The following CADM2 variants were observed in gnomAD, a reference collection of about 807,000 sequenced individuals.
The protein encoded by CADM2 is immunoglobulin superfamily member 4D.
Under a neutral mutation model 49.8 loss-of-function variants are expected in CADM2, and 12 were observed. That is an observed-to-expected ratio of 0.24 (90% CI 0.15 to 0.39). The LOEUF (loss-of-function observed/expected upper bound fraction) is 0.39. CADM2 is among the 10% of genes least tolerant of loss of function. The pLI, the probability that CADM2 is intolerant of heterozygous loss-of-function variation, is 1.00. For missense variants in CADM2, 378 were observed against 492.3 expected, an observed-to-expected ratio of 0.77 and a Z score of 2.20; for synonymous variants, 214 against 175.4, an observed-to-expected ratio of 1.22 and a Z score of -1.74.
intron 3 of CADM2, among the ~76,000 whole-genome samples, chr3:85,854,800 A>G (rs909128440): frequency 6.6e-6 from 1 of 152,122 alleles, no homozygotes; most frequent in African/African-American, 2.4e-5. Flanking sequence ...TAAAAACCAC[A>G]CAAAAAAATA....
intron 1 of CADM2, among the ~76,000 whole-genome samples, chr3:85,020,362 T>G (rs962068315): frequency 2.0e-5 from 3 of 152,162 alleles, no homozygotes; most frequent in Non-Finnish European, 4.4e-5. Context: ...TTTTCCACAT[T>G]TTTTGATCAT....
intron 1 of CADM2, among the ~76,000 whole-genome samples, chr3:85,294,499 A>C (rs2043898026): frequency 6.6e-6 from 1 of 152,084 alleles, no homozygotes; most frequent in Non-Finnish European, 1.5e-5. Flanking sequence ...CTAAGCCAAA[A>C]GAACAAAGCT....
At chr3:85,936,056 T>C (rs1346522069) in intron 7 of CADM2, among the ~76,000 whole-genome samples, 199 bp downstream of exon 7, 1 of 151,838 alleles carries the variant, frequency 6.6e-6, no homozygotes, top group Non-Finnish European at 1.5e-5. Context: ...TAGTGAAGTT[T>C]CTGGGAAGAT....
intron 7 of CADM2, among the ~76,000 whole-genome samples, chr3:85,944,176 G>A (rs1181628437): frequency 2.0e-5 from 3 of 152,000 alleles, no homozygotes; most frequent in African/African-American, 7.2e-5. Flanking sequence ...AGACAAAAAA[G>A]GCCGTTACGT....
chr3:85,912,121 A>T (rs1367196187), intron 5 of CADM2, among the ~76,000 whole-genome samples: 2 of 151,468 alleles, frequency 1.3e-5, no homozygotes, highest in Non-Finnish European at 2.9e-5. Context: ...TTTTTTTTGT[A>T]CTTTTAGTAG....
At chr3:85,560,823 GAAA>G (rs1029766245) in intron 1 of CADM2, among the ~76,000 whole-genome samples, 70 of 152,010 alleles carry the variant, frequency 4.6e-4, no homozygotes, top group Middle Eastern at 3.4e-3. Flanking sequence ...AAACAAACAG[GAAA>G]AAAAGTAGAA....
chr3:86,073,816 C>A lies in CADM2; in HGVS notation c.*7033C>A, dbSNP rs1386877611. 6.6e-6 allele frequency: 1 copy of A among 151,824 alleles called. No homozygotes were observed. The highest frequency in any genetic ancestry group is 1.5e-5 in the Non-Finnish European group (1 of 67,814). The allele number at this position is 151,824 out of a possible 1,614,324, so 9.4% of individuals were successfully genotyped here. A position where few individuals can be genotyped will look rare whatever the true frequency, so the allele number is the denominator to read the frequency against. ...ATTTTGAATACCTTTTTTTCAACTT[C>A]ATACATTATCCATCCATTTTAGTTT... On this transcript the variant is annotated 3_prime_UTR_variant, in exon 10 of 10. Transcript: ENST00000383699.
chr3:85,989,740 C>A (rs1233559265), intron 8 of CADM2, among the ~76,000 whole-genome samples: 1 of 151,936 alleles, frequency 6.6e-6, no homozygotes, highest in Non-Finnish European at 1.5e-5. Context: ...TGGCTGGGCG[C>A]GGTGGCTCAC....
intron 1 of CADM2, among the ~76,000 whole-genome samples, chr3:85,514,975 T>C (rs1011640407): frequency 1.3e-5 from 2 of 152,162 alleles, no homozygotes; most frequent in Admixed American, 6.5e-5. Flanking sequence ...TTCTTTTCTA[T>C]GGAGACTTTT....
chr3:85,705,160 C>T (rs1478349892), intron 1 of CADM2, among the ~76,000 whole-genome samples: 1 of 150,822 alleles, frequency 6.6e-6, no homozygotes, highest in African/African-American at 2.4e-5. Context: ...GCCAGTGCAT[C>T]CCGCCCCCTT....
intron 1 of CADM2, among the ~76,000 whole-genome samples, chr3:85,688,400 A>G (rs1302690793): frequency 1.3e-5 from 2 of 152,094 alleles, no homozygotes; most frequent in Non-Finnish European, 2.9e-5. Flanking sequence ...TAAAACCACA[A>G]TGGAACATCA....
intron 5 of CADM2, among the ~76,000 whole-genome samples, chr3:85,888,606 C>G (rs112033212): frequency 6.6e-6 from 1 of 152,132 alleles, no homozygotes. Flanking sequence ...ATCTGTCTAT[C>G]TATGTATCTA....
intron 1 of CADM2, among the ~76,000 whole-genome samples, chr3:85,514,624 A>T (rs934036052): frequency 2.0e-5 from 3 of 152,100 alleles, no homozygotes. Flanking sequence ...ATTCAGTGTT[A>T]ACAATCCAAT....
intron 8 of CADM2, among the ~76,000 whole-genome samples, chr3:86,047,113 T>C (rs1736776758): frequency 6.6e-6 from 1 of 152,108 alleles, no homozygotes; most frequent in African/African-American, 2.4e-5. Flanking sequence ...CTTCAAATTG[T>C]TTGAGCACGA....
intron 1 of CADM2, among the ~76,000 whole-genome samples, chr3:85,393,536 T>C (rs1200368854): frequency 2.0e-5 from 3 of 152,136 alleles, no homozygotes; most frequent in Non-Finnish European, 4.4e-5. Flanking sequence ...AGTTATAAGC[T>C]CTGGGATTCC....
intron 1 of CADM2, among the ~76,000 whole-genome samples, chr3:85,623,785 C>A (rs9836967): frequency 0.21 from 31,493 of 152,016 alleles, 3,642 homozygotes; most frequent in South Asian, 0.28. Flanking sequence ...ATCTTTTAAA[C>A]AGCTATTTCA....
chr3:85,760,248 T>G (rs962617505), intron 2 of CADM2, among the ~76,000 whole-genome samples: 1 of 152,072 alleles, frequency 6.6e-6, no homozygotes, highest in Non-Finnish European at 1.5e-5. Context: ...TGTTCAAAAT[T>G]CCATTACTGT....
At chr3:85,408,461 T>A (rs1403227364) in intron 1 of CADM2, among the ~76,000 whole-genome samples, 1 of 152,236 alleles carries the variant, frequency 6.6e-6, no homozygotes, top group African/African-American at 2.4e-5. Flanking sequence ...GTTCTAAAAC[T>A]TCAGAATTTG....
At chr3:85,076,424 G>A (rs1057046939) in intron 1 of CADM2, among the ~76,000 whole-genome samples, 2 of 151,390 alleles carry the variant, frequency 1.3e-5, no homozygotes, top group African/African-American at 2.4e-5. Context: ...ATCAGCTCAC[G>A]GCAACCTCCG....
Sources: gnomAD v4.1 joint callset for allele counts (sites outside exome capture counted in the v4.1 genomes callset) on GRCh38, gnomAD v4.1.1 for gene constraint, MANE v1.5 for transcripts, NCBI Gene and HGNC (gene_info 2026-07-23, HGNC 2026-07-21) for gene names.